Variants in IGF2BP3 observed in about 807,000 individuals in gnomAD.
The protein encoded by IGF2BP3 is insulin like growth factor 2 mRNA binding protein 3.
A neutral mutation model predicts 73.8 loss-of-function variants in IGF2BP3; 9 were observed. The observed-to-expected ratio is 0.12, with a 90% CI of 0.07 to 0.21. The LOEUF (loss-of-function observed/expected upper bound fraction) is 0.21, where lower values mean the gene tolerates loss of function less well. Ranked by LOEUF, IGF2BP3 falls within the 10% of genes least tolerant of loss-of-function variation. The pLI is 1.00. For missense variants in IGF2BP3, 542 were observed against 714.0 expected (o/e 0.76, Z 2.75); for synonymous variants, 258 against 256.7 (o/e 1.01, Z -0.05).
intron 5 of IGF2BP3, among the ~76,000 whole-genome samples, chr7:23,358,109 T>G (rs1785141261): frequency 6.6e-6 from 1 of 152,266 alleles, no homozygotes; most frequent in Non-Finnish European, 1.5e-5. Context: ...TTTTTCTCAG[T>G]AGCCTCATTA....
intron 13 of IGF2BP3, among the ~76,000 whole-genome samples, chr7:23,313,138 C>A (rs1321660609): frequency 6.6e-6 from 1 of 152,172 alleles, no homozygotes; most frequent in Non-Finnish European, 1.5e-5. Flanking sequence ...AGCTTTGAAA[C>A]CCACTTACAA....
At chr7:23,409,229 G>A (rs2128530096) in intron 3 of IGF2BP3, among the ~76,000 whole-genome samples, 1 of 152,276 alleles carries the variant, frequency 6.6e-6, no homozygotes, top group East Asian at 1.9e-4. Context: ...CTGAGGCCTG[G>A]GGGTTAGGGA....
chr7:23,403,225 A>G (rs1351694133), intron 3 of IGF2BP3, among the ~76,000 whole-genome samples: 2 of 152,238 alleles, frequency 1.3e-5, no homozygotes, highest in Admixed American at 1.3e-4. Flanking sequence ...CTAAACTGAG[A>G]GCACACAACT....
chr7:23,402,176 GCT>G (rs1290968602), intron 3 of IGF2BP3: 1 of 152,102 alleles, frequency 6.6e-6, no homozygotes, highest in African/African-American at 2.4e-5. Flanking sequence ...TTAATACATA[GCT>G]CAGAGATATT....
intron 2 of IGF2BP3, among the ~76,000 whole-genome samples, chr7:23,464,225 A>C (rs1177478624): frequency 1.3e-5 from 2 of 152,238 alleles, no homozygotes; most frequent in Non-Finnish European, 2.9e-5. Context: ...CTAGCTTTTA[A>C]ATAGCCACTT....
At position 23,311,975 on chromosome 7, in the gene IGF2BP3, G is replaced by C. The variant is rs1198521453; in HGVS notation, c.*387C>G. 5.8e-6 allele frequency: 1 copy of C among 171,026 alleles called. No homozygotes were observed. Among genetic ancestry groups the C allele is most frequent in the East Asian group, 1.6e-4 (1 of 6,248 alleles). 10.6% of individuals were successfully genotyped at this position (171,026 alleles called of 1,614,324 possible). On this transcript the variant is annotated 3_prime_UTR_variant, in exon 15 of 15. Coordinates refer to ENST00000258729, the MANE Select transcript of IGF2BP3 (RefSeq NM_006547.3). ...GATCCAATTTTAACAATTGGATTTAGGAGCAATCTATTTGATGAATTTAGT... is the reference window on the plus strand; with the variant it reads ...GATCCAATTTTAACAATTGGATTTACGAGCAATCTATTTGATGAATTTAGT...
At chr7:23,332,010 G>C (rs962786806) in intron 10 of IGF2BP3, among the ~76,000 whole-genome samples, 2 of 152,152 alleles carry the variant, frequency 1.3e-5, no homozygotes, top group South Asian at 2.1e-4. Flanking sequence ...AAGGGATGGG[G>C]CAAGTGTCAC....
chr7:23,409,282 A>C (rs1428663093), intron 3 of IGF2BP3, among the ~76,000 whole-genome samples: 1 of 152,224 alleles, frequency 6.6e-6, no homozygotes, highest in African/African-American at 2.4e-5. Flanking sequence ...TAAGTGAAAT[A>C]AGCCAGTCAT....
At chr7:23,427,044 C>T (rs926422884) in intron 2 of IGF2BP3, among the ~76,000 whole-genome samples, 1 of 152,218 alleles carries the variant, frequency 6.6e-6, no homozygotes, top group Non-Finnish European at 1.5e-5. Context: ...CCTGACTCAT[C>T]GCTGTGGTGG....
intron 2 of IGF2BP3, 76 bp downstream of exon 2, chr7:23,468,406 A>G (rs1788620073): frequency 1.4e-6 from 2 of 1,467,840 alleles, no homozygotes; most frequent in Admixed American, 3.3e-5. Flanking sequence ...CCAGAGGACA[A>G]GAAGTTCTCA....
intron 12 of IGF2BP3, among the ~76,000 whole-genome samples, chr7:23,315,880 G>A (rs930352898): frequency 6.6e-6 from 1 of 152,180 alleles, no homozygotes; most frequent in African/African-American, 2.4e-5. Context: ...TGGCTTAAGT[G>A]TTACATTTAA....
At position 23,337,929 on chromosome 7, in the gene IGF2BP3, G is replaced by C. The variant is rs1784613814; in HGVS notation, c.1203+4135C>G. Among the ~76,000 whole-genome samples, 5 of 152,202 alleles carry C rather than the reference G, an allele frequency of 3.3e-5. No individual in the cohort carries two copies. In the South Asian group the frequency reaches 1.0e-3, roughly 31 times the overall value. On this transcript the variant is annotated intron_variant, in intron 10 of 14. Transcript: ENST00000258729. ...GGAATGGCACACAAGGCAGATAGAAGCACCAGTCCTGAAGGATATGGTGGA... is the reference window on the plus strand; with the variant it reads ...GGAATGGCACACAAGGCAGATAGAACCACCAGTCCTGAAGGATATGGTGGA...
chr7:23,466,029 T>TTG (rs975489581), intron 2 of IGF2BP3, among the ~76,000 whole-genome samples: 22 of 151,970 alleles, frequency 1.4e-4, no homozygotes, highest in South Asian at 2.1e-4. Context: ...AAAAGGTTTT[T>TTG]TTTTTTTTTT....
chr7:23,398,633 T>C (rs561372709), intron 3 of IGF2BP3, among the ~76,000 whole-genome samples: 2 of 152,338 alleles, frequency 1.3e-5, no homozygotes, highest in East Asian at 1.9e-4. Context: ...TATCTCATTG[T>C]GGTTTTGATT....
chr7:23,317,430 G>A (rs551238274), intron 12 of IGF2BP3, among the ~76,000 whole-genome samples: 3 of 152,244 alleles, frequency 2.0e-5, no homozygotes, highest in Non-Finnish European at 4.4e-5. Flanking sequence ...TGAGAGACAG[G>A]TAAATCCAGC....
chr7:23,327,503 G>C lies in IGF2BP3; in HGVS notation c.1204-8249C>G, dbSNP rs556812219. ...TCACCGTGTTAGCCAGGATGGTCTC[G>C]ATCTCCTGACCTCGTGATCCGCCCG... is the stretch of plus-strand genomic sequence containing the variant. On this transcript the variant is annotated intron_variant, in intron 10 of 14. Coordinates refer to ENST00000258729, the MANE Select transcript of IGF2BP3 (RefSeq NM_006547.3). 6.6e-5 allele frequency among the ~76,000 whole-genome samples: 10 copies of C among 152,042 alleles called. No individual in the cohort carries two copies. In the South Asian group the frequency reaches 2.1e-3, roughly 32 times the overall value.
At chr7:23,453,045 G>C (rs1467895942) in intron 2 of IGF2BP3, among the ~76,000 whole-genome samples, 1 of 151,902 alleles carries the variant, frequency 6.6e-6, no homozygotes, top group Non-Finnish European at 1.5e-5. Context: ...AGCAGGCGGA[G>C]GTTGTAGCGA....
intron 2 of IGF2BP3, among the ~76,000 whole-genome samples, chr7:23,441,952 C>T (rs1787946222): frequency 6.6e-6 from 1 of 152,058 alleles, no homozygotes; most frequent in African/African-American, 2.4e-5. Context: ...AGGAGAAACC[C>T]CGTCTCTACT....
Position 23,405,743 on chromosome 7 carries a change from G to A in IGF2BP3, c.285+13033C>T, listed in dbSNP as rs115790452. On this transcript the variant is annotated intron_variant, in intron 3 of 14. Coordinates refer to ENST00000258729, the MANE Select transcript of IGF2BP3 (RefSeq NM_006547.3). ...TCTGAGGTAGAACAGTTTCTATCCC[G>A]AAACCACTCCCCTTCCCCAACCATG... Among the ~76,000 whole-genome samples the A allele has an allele frequency of 3.3e-5, 5 of 152,244 alleles. No individual in the cohort carries two copies. In the East Asian group the frequency reaches 7.7e-4, roughly 23 times the overall value.
Sources: gnomAD v4.1 joint callset for allele counts (sites outside exome capture counted in the v4.1 genomes callset) on GRCh38, gnomAD v4.1.1 for gene constraint, MANE v1.5 for transcripts, NCBI Gene and HGNC (gene_info 2026-07-23, HGNC 2026-07-21) for gene names.